The following PREX2 variants were observed in gnomAD, a reference collection of about 807,000 sequenced individuals.
PREX2 encodes the protein phosphatidylinositol-3,4,5-trisphosphate dependent Rac exchange factor 2, also known as phosphatidylinositol 3,4,5-trisphosphate-dependent Rac exchanger 2 protein.
Under a neutral mutation model 203.2 loss-of-function variants are expected in PREX2, and 107 were observed. The ratio of observed to expected loss-of-function variants is 0.53; its 90% confidence interval spans 0.45 to 0.62. The LOEUF is 0.62. Among genes scored for constraint, PREX2 ranks in the 20% least tolerant of loss-of-function variants. PREX2 has a pLI of 0.00. For synonymous variants in PREX2, 672 were observed against 663.6 expected, an observed-to-expected ratio of 1.01 and a Z score of -0.19; for missense variants, 1,777 against 1,955.9, an observed-to-expected ratio of 0.91 and a Z score of 1.72.
chr8:68,003,841 C>CTT (rs1807014046), intron 1 of PREX2, among the ~76,000 whole-genome samples: 2 of 121,594 alleles, frequency 1.6e-5, no homozygotes, highest in Non-Finnish European at 3.4e-5. Context: ...TCTGGCCTGA[C>CTT]CTTTTTTTTT....
At chr8:68,019,707 T>A (rs368318283) in intron 3 of PREX2, 36 bp downstream of exon 3, 97 of 1,579,528 alleles carry the variant, frequency 6.1e-5, no homozygotes, top group Non-Finnish European at 8.1e-5. Context: ...AAAGTTCTTT[T>A]CCCCTAGATT....
intron 2 of PREX2, among the ~76,000 whole-genome samples, chr8:68,019,334 G>A (rs1217115505): frequency 1.1e-4 from 16 of 152,212 alleles, no homozygotes; most frequent in Admixed American, 1.0e-3. Flanking sequence ...TTGGGCAACC[G>A]AGGCCTTGCC....
Position 67,952,523 on chromosome 8 carries a change from G to C in PREX2, c.129G>C (p.Glu43Asp). The C allele has an allele frequency of 6.2e-7, 1 of 1,610,196 alleles. No individual in the cohort carries two copies. The highest frequency in any genetic ancestry group is 8.5e-7 in the Non-Finnish European group (1 of 1,178,280). The change falls in exon 1 of 40, where the codon GAG (glutamate) becomes GAC (aspartate). Residue 43 changes from glutamate (E) to aspartate (D), a missense_variant. Coordinates refer to ENST00000288368, the MANE Select transcript of PREX2 (RefSeq NM_024870.4). ...KTERDYVGTL[E>D]FLVSAFLHRM... ...AGCGGGACTATGTGGGCACGCTGGA[G>C]TTCCTGGTGTCGGTGAGTGTCCCCG... is the stretch of plus-strand genomic sequence containing the variant.
intron 30 of PREX2, among the ~76,000 whole-genome samples, chr8:68,123,144 C>A (rs2129613164): frequency 6.6e-6 from 1 of 152,138 alleles, no homozygotes; most frequent in African/African-American, 2.4e-5. Flanking sequence ...GTCTAAGACT[C>A]TCTGAAGTTC....
chr8:68,007,198 C>T (rs1005365377), intron 1 of PREX2, among the ~76,000 whole-genome samples: 1 of 152,092 alleles, frequency 6.6e-6, no homozygotes, highest in African/African-American at 2.4e-5. Flanking sequence ...ATTTTTGAAA[C>T]ATAAAAGGAT....
intron 38 of PREX2, 81 bp downstream of exon 38, chr8:68,217,799 G>A (rs1425863215): frequency 9.7e-7 from 1 of 1,026,150 alleles, no homozygotes; most frequent in Non-Finnish European, 1.5e-6. Context: ...TCAGGGGTTT[G>A]ACAGGTGCCT....
chr8:68,181,285 T>C (rs140471390), intron 35 of PREX2, among the ~76,000 whole-genome samples: 193 of 152,292 alleles, frequency 1.3e-3, no homozygotes, highest in Middle Eastern at 0.01. Context: ...ATATTTCTCT[T>C]ACGGTATTCA....
chr8:67,978,580 G>C (rs1025775995), intron 1 of PREX2, among the ~76,000 whole-genome samples: 6 of 152,150 alleles, frequency 3.9e-5, no homozygotes, highest in Admixed American at 3.3e-4. Flanking sequence ...CCCATTATAT[G>C]AATGTAATAC....
intron 17 of PREX2, among the ~76,000 whole-genome samples, 185 bp from the exon 18 acceptor site, chr8:68,083,055 T>G (rs1030750): frequency 0.53 from 81,073 of 152,046 alleles, 21,620 homozygotes; most frequent in South Asian, 0.56. Flanking sequence ...TTTAAAACTA[T>G]GCCAAAGAGA....
chr8:67,974,363 G>A (rs188316810), intron 1 of PREX2, among the ~76,000 whole-genome samples: 1 of 152,148 alleles, frequency 6.6e-6, no homozygotes, highest in Non-Finnish European at 1.5e-5. Context: ...AAAAATCTAT[G>A]GAGTTTTTAA....
intron 37 of PREX2, among the ~76,000 whole-genome samples, chr8:68,210,744 A>AT (rs1187919707): frequency 6.6e-6 from 1 of 152,196 alleles, no homozygotes; most frequent in Non-Finnish European, 1.5e-5. Context: ...TGATTTTAGA[A>AT]TAAAATGGTT....
intron 6 of PREX2, among the ~76,000 whole-genome samples, chr8:68,037,800 G>A (rs189548832): frequency 6.6e-6 from 1 of 151,982 alleles, no homozygotes; most frequent in Admixed American, 6.6e-5. Flanking sequence ...CACATACTGA[G>A]GAAAAAGAGA....
intron 1 of PREX2, among the ~76,000 whole-genome samples, chr8:67,967,843 A>G (rs1805817053): frequency 6.6e-6 from 1 of 152,148 alleles, no homozygotes; most frequent in Non-Finnish European, 1.5e-5. Context: ...AGAAAACCAA[A>G]CACCACATGT....
At chr8:68,064,980 C>T (rs1013935587) in intron 11 of PREX2, among the ~76,000 whole-genome samples, 3 of 152,216 alleles carry the variant, frequency 2.0e-5, no homozygotes, top group African/African-American at 7.2e-5. Flanking sequence ...TCCTGGTTCT[C>T]TCACACAGTT....
intron 37 of PREX2, among the ~76,000 whole-genome samples, chr8:68,196,158 A>G (rs1339714183): frequency 2.0e-5 from 3 of 152,032 alleles, no homozygotes; most frequent in South Asian, 2.1e-4. Flanking sequence ...ACTCTGTTCA[A>G]CTTCGCTTAA....
At chr8:68,097,326 C>CTTTTTTTT (rs5892134) in intron 22 of PREX2, 125 bp downstream of exon 22, 2 of 542,462 alleles carry the variant, frequency 3.7e-6, no homozygotes, top group Non-Finnish European at 6.0e-6. Flanking sequence ...ATTCAAACTT[C>CTTTTTTTT]TTTTTTTTTT....
chr8:68,110,849 G>A (rs1313873540), intron 25 of PREX2: 3 of 296,098 alleles, frequency 1.0e-5, no homozygotes, highest in African/African-American at 6.8e-5. Flanking sequence ...GAAGTTTTAT[G>A]AGTGATTTAG....
At position 68,099,813 on chromosome 8, in the gene PREX2, C is replaced by G. The variant is rs994164623; in HGVS notation, c.2685C>G (p.His895Gln). The part of the protein sequence containing the change: ...FSALCSERIE[H>Q]LCQRISSYKK... ...CCCTTTGCAGTGAAAGAATTGAACA[C>G]CTATGTCAGAGAATATCCAGTTATA... The change falls in exon 23 of 40, where the codon CAC becomes CAG. Residue 895 changes from histidine (H) to glutamine (Q), a missense_variant. Physicochemically the swap from His to Gln is conservative, Grantham distance 24. Transcript: ENST00000288368. The G allele has an allele frequency of 1.2e-6, 2 of 1,611,688 alleles. No individual in the cohort carries two copies. The highest frequency in any genetic ancestry group is 3.3e-5 in the Admixed American group (2 of 59,996).
chr8:68,175,849 T>A (rs576247507), intron 35 of PREX2, among the ~76,000 whole-genome samples: 1 of 151,946 alleles, frequency 6.6e-6, no homozygotes, highest in Non-Finnish European at 1.5e-5. Context: ...ATTTTAACTG[T>A]ATAATGATAA....
Sources: allele counts gnomAD v4.1 joint callset (sites outside exome capture counted in the v4.1 genomes callset), GRCh38; gene constraint gnomAD v4.1.1; transcripts MANE v1.5; gene names NCBI Gene and HGNC (gene_info 2026-07-23, HGNC 2026-07-21).